Variants in AIFM3 observed in about 807,000 individuals in gnomAD.
AIFM3 encodes the protein apoptosis-inducing factor 3.
Under a neutral mutation model 82.7 loss-of-function variants are expected in AIFM3, and 71 were observed. That is an observed-to-expected ratio of 0.86 (90% CI 0.71 to 1.05). The LOEUF is 1.05. AIFM3 is among the 50% of genes least tolerant of loss of function. The probability of loss-of-function intolerance (pLI) is 0.00; values close to 1 mark genes in which losing one functional copy is unlikely to be tolerated. For missense variants in AIFM3, 748 were observed against 816.7 expected (o/e 0.92, Z 1.03); for synonymous variants, 337 against 329.1 (o/e 1.02, Z -0.26).
chr22:20,979,204 T>C, intron 16 of AIFM3, 67 bp from the exon 17 acceptor site: 1 of 1,510,204 alleles, frequency 6.6e-7, no homozygotes, highest in Non-Finnish European at 9.0e-7. Flanking sequence ...CCCCAGGGCA[T>C]CAGGAGCAGG....
At chr22:20,967,556 CCGCGGGGCTGGA>C (rs1453870794) in intron 1 of AIFM3, among the ~76,000 whole-genome samples, 1 of 152,024 alleles carries the variant, frequency 6.6e-6, no homozygotes, top group Non-Finnish European at 1.5e-5. Context: ...GGCAAGGCAG[CCGCGGGGCTGGA>C]CGATGGGCGG....
intron 1 of AIFM3, among the ~76,000 whole-genome samples, chr22:20,967,505 G>C (rs368555070): frequency 2.0e-5 from 3 of 152,132 alleles, no homozygotes; most frequent in South Asian, 2.1e-4. Flanking sequence ...AGAGGGGAAG[G>C]GGGGCACGAG....
In AIFM3 at chr22:20,981,088, C is replaced by A; in HGVS notation, c.*57C>A. On this transcript the variant is annotated 3_prime_UTR_variant, in exon 21 of 21. Coordinates refer to ENST00000440238, the MANE Select transcript of AIFM3 (RefSeq NM_001386814.1). ...GGGGCACCAAGGGCACAGGCCAAGCCTTGGGGGCAGGTGCCAATCTCCAGT... is the reference window on the plus strand; with the variant it reads ...GGGGCACCAAGGGCACAGGCCAAGCATTGGGGGCAGGTGCCAATCTCCAGT... The A allele has an allele frequency of 6.2e-7, 1 of 1,609,154 alleles. No individual in the cohort carries two copies. Among genetic ancestry groups the A allele is most frequent in the Non-Finnish European group, 8.5e-7 (1 of 1,177,112 alleles).
At chr22:20,968,014 T>C in intron 2 of AIFM3, 39 bp downstream of exon 2, 1 of 1,580,528 alleles carries the variant, frequency 6.3e-7, no homozygotes, top group Non-Finnish European at 8.6e-7. Flanking sequence ...TTCTCCTCCC[T>C]CCCCGCCTCC....
rs776262361 is a variant in AIFM3, at chr22:20,977,893, G to A, written c.1365G>A (p.Met455Ile). 1 of 1,614,200 alleles carries A rather than the reference G, an allele frequency of 6.2e-7. No individual in the cohort carries two copies. The highest frequency in any genetic ancestry group is 8.5e-7 in the Non-Finnish European group (1 of 1,180,030). ...TCTGGGCCCTCTCTCTACAGATGAT[G>A]CAGACCAATGTCCCAGGCGTGTTTG... ...SRGFIPVNKM[M>I]QTNVPGVFAA... The change falls in exon 16 of 21, where the codon ATG (methionine) becomes ATA (isoleucine). Residue 455 changes from methionine to isoleucine, a missense_variant. Physicochemically the swap from Met to Ile is conservative, Grantham distance 10. This residue lies in a region of AIFM3 where 393 missense variants were observed against 481.1 expected (regional missense o/e 0.82). Coordinates refer to ENST00000440238, the MANE Select transcript of AIFM3 (RefSeq NM_001386814.1).
At position 20,967,883 on chromosome 22, in the gene AIFM3, C is replaced by G. The variant is rs1383786306; in HGVS notation, c.-62C>G. The G allele has an allele frequency of 1.9e-6, 3 of 1,602,954 alleles. No individual in the cohort carries two copies. The highest frequency in any genetic ancestry group is 2.7e-5 in the African/African-American group (2 of 74,674). On this transcript the variant is annotated 5_prime_UTR_variant, in exon 2 of 21. Coordinates refer to ENST00000440238, the MANE Select transcript of AIFM3 (RefSeq NM_001386814.1). ...GGGGTCCAGCCCCATGGGGGGCGCC[C>G]TAGGCCTCCGACAGCTCCCCATCTG...
In AIFM3 at chr22:20,977,764, C is replaced by T; in HGVS notation, c.1347C>T (p.Ile449=). The change falls in exon 15 of 21, where the codon ATC becomes ATT. Residue 449 remains isoleucine, a synonymous_variant. Coordinates refer to ENST00000440238, the MANE Select transcript of AIFM3 (RefSeq NM_001386814.1). ...SGIGLDSRGF[I]PVNKMMQTNV... ...TCGGTTTGGATTCCCGAGGCTTCAT[C>T]CCTGTCAACAAGGTGGGGTGGATGG... 2 of 1,614,188 alleles carry T rather than the reference C, an allele frequency of 1.2e-6. 1 individual carries two copies. Among genetic ancestry groups the T allele is most frequent in the Middle Eastern group, 3.3e-4 (2 of 6,062 alleles).
Position 20,973,430 on chromosome 22 carries a change from A to G in AIFM3, c.155A>G (p.Glu52Gly). 1 of 1,613,176 alleles carries G rather than the reference A, an allele frequency of 6.2e-7. No homozygotes were observed. Among genetic ancestry groups the G allele is most frequent in the Non-Finnish European group, 8.5e-7 (1 of 1,179,984 alleles). Residue 52 changes from glutamate (E) to glycine (G), a missense_variant, in exon 3 of 21, where the codon GAG (glutamate) becomes GGG (glycine). By Grantham distance (98) the Glu-to-Gly change is moderately conservative. Around this residue, in one of 5 missense-constraint regions of AIFM3, gnomAD observed 148 missense variants for 134.1 expected, o/e 1.10. Coordinates refer to ENST00000440238, the MANE Select transcript of AIFM3 (RefSeq NM_001386814.1). ...GGCACGGCCCGCCACTTCCACACGG[A>G]GGAGCGCCTGTCCACCCCTCACCCC... Reference protein sequence around the residue: ...GNGTARHFHTEERLSTPHPYP... With the variant: ...GNGTARHFHTGERLSTPHPYP...
chr22:20,977,149 C>T, intron 14 of AIFM3, 54 bp downstream of exon 14: 1 of 1,603,022 alleles, frequency 6.2e-7, no homozygotes, highest in South Asian at 1.1e-5. Context: ...TCTGCACATG[C>T]TCACATGTGA....
Position 20,974,304 on chromosome 22 carries a change from G to C in AIFM3, c.510+8G>C. The C allele has an allele frequency of 6.2e-7, 1 of 1,613,202 alleles. No homozygotes were observed. The highest frequency in any genetic ancestry group is 8.5e-7 in the Non-Finnish European group (1 of 1,179,826). On this transcript the variant is annotated splice_region_variant and intron_variant, in intron 6 of 20. Transcript: ENST00000440238. The stretch of plus-strand genomic sequence containing the variant: ...GTCCGGGCCAGCAAGCAGGTGAGGG[G>C]ATAGCTCGGGGCTCAGGCAGAAGGG...
chr22:20,976,882 C>A lies in AIFM3; in HGVS notation c.1162C>A (p.Arg388=). 1 of 1,603,846 alleles carries A rather than the reference C, an allele frequency of 6.2e-7. No homozygotes were observed. The highest frequency in any genetic ancestry group is 1.1e-5 in the South Asian group (1 of 89,902). ...RALMKMFENN[R]VKFYMQTEVS... Reference sequence around the variant, plus strand: ...GCCCTGACAGATGTTTGAGAACAACCGGGTGAAGTTCTACATGCAGACGGA... The same window carrying A: ...GCCCTGACAGATGTTTGAGAACAACAGGGTGAAGTTCTACATGCAGACGGA... Residue 388 remains arginine, a synonymous_variant, in exon 13 of 21, where the codon CGG becomes AGG. Transcript: ENST00000440238.
chr22:20,972,983 A>G (rs178261), intron 2 of AIFM3, among the ~76,000 whole-genome samples: 151,653 of 151,654 alleles, frequency 1, 75,826 homozygotes, highest in Middle Eastern at 1. Flanking sequence ...GGAGGCAGAG[A>G]CTGCAGCGAG....
chr22:20,970,681 G>A (rs577385555), intron 2 of AIFM3, among the ~76,000 whole-genome samples: 23 of 152,228 alleles, frequency 1.5e-4, no homozygotes, highest in South Asian at 1.0e-3. Flanking sequence ...GGCTGGTCTC[G>A]AACTCCTGAC....
chr22:20,976,707 C>G lies in AIFM3; in HGVS notation c.1087C>G (p.Leu363Val), dbSNP rs751081103. Residue 363 changes from leucine (L) to valine (V), a missense_variant, in exon 12 of 21, where the codon CTG becomes GTG. Around this residue, in one of 5 missense-constraint regions of AIFM3, gnomAD observed 393 missense variants for 481.1 expected, o/e 0.82. Transcript: ENST00000440238. ...GGCCCACTCTGTGTCTGTGGTGGAG[C>G]TGGAGGAGACGCCCTTCAGGAGGTT... The part of the protein sequence containing the change: ...EKAHSVSVVE[L>V]EETPFRRFLG... The G allele has an allele frequency of 1.2e-6, 2 of 1,608,958 alleles. No homozygotes were observed. Among genetic ancestry groups the G allele is most frequent in the Non-Finnish European group, 1.7e-6 (2 of 1,177,668 alleles).
Position 20,980,229 on chromosome 22 carries a change from C to T in AIFM3, c.1757+105C>T, listed in dbSNP as rs951226248. Reference sequence around the variant, plus strand: ...CCCCACAACCCTCCAGGGCCTTTCCCCTCTTGGTTTGCATCGCCTGAGGCT... The same window carrying T: ...CCCCACAACCCTCCAGGGCCTTTCCTCTCTTGGTTTGCATCGCCTGAGGCT... On this transcript the variant is annotated intron_variant, in intron 19 of 20. Transcript: ENST00000440238. 7 of 1,049,710 alleles carry T rather than the reference C, an allele frequency of 6.7e-6. No individual in the cohort carries two copies. The African/African-American group carries it at 8.0e-5, about 12-fold the overall frequency. The allele number at this position is 1,049,710 out of a possible 1,614,324, so 65.0% of individuals were successfully genotyped here. A position where few individuals can be genotyped will look rare whatever the true frequency, so the allele number is the denominator to read the frequency against.
chr22:20,968,973 A>G (rs554181647), intron 2 of AIFM3, among the ~76,000 whole-genome samples: 1 of 152,078 alleles, frequency 6.6e-6, no homozygotes, highest in Non-Finnish European at 1.5e-5. Context: ...AGAGGGACCC[A>G]CTTGCCTCTG....
In AIFM3 at chr22:20,973,842, G is replaced by A. The variant is rs151248970; in HGVS notation, c.330G>A (p.Pro110=). ...GEFHALGHKC[P]HYGAPLVKGV... ...TCCACGCCCTGGGCCATAAGTGTCC[G>A]CACTACGGCGCACCCCTGGTGAAAG... The change falls in exon 4 of 21, where the codon CCG becomes CCA. Residue 110 remains proline (P), a synonymous_variant. Transcript: ENST00000440238. 25 of 1,555,844 alleles carry A rather than the reference G, an allele frequency of 1.6e-5. No homozygotes were observed. The highest frequency in any genetic ancestry group is 9.5e-5 in the African/African-American group (7 of 73,834).
rs1225147844 is a variant in AIFM3 at position 20,976,472 on chromosome 22, G to A, written c.964G>A (p.Asp322Asn). 1 of 1,614,098 alleles carries A rather than the reference G, an allele frequency of 6.2e-7. No individual in the cohort carries two copies. ...ENVFTIRTPE[D>N]ANRVVRLARG... Reference sequence around the variant, plus strand: ...CGTGTTCACTATCCGGACGCCAGAGGATGCCAATCGCGTGGTGAGGCTGGC... The same window carrying A: ...CGTGTTCACTATCCGGACGCCAGAGAATGCCAATCGCGTGGTGAGGCTGGC... The change falls in exon 11 of 21, where the codon GAT becomes AAT. Residue 322 changes from aspartate (D) to asparagine (N), a missense_variant. This residue lies in a region of AIFM3 where 393 missense variants were observed against 481.1 expected (regional missense o/e 0.82). Transcript: ENST00000440238.
Position 20,979,613 on chromosome 22 carries a change from T to A in AIFM3, c.1577-14T>A, listed in dbSNP as rs988968324. ...CCGGCTCACGTGGGTGCCACCCACC[T>A]GCCCGGCCCACAGGCTACGGAGAAG... On this transcript the variant is annotated splice_polypyrimidine_tract_variant and intron_variant, in intron 17 of 20. Coordinates refer to ENST00000440238, the MANE Select transcript of AIFM3 (RefSeq NM_001386814.1). 1 of 1,614,106 alleles carries A rather than the reference T, an allele frequency of 6.2e-7. No homozygotes were observed. Among genetic ancestry groups the A allele is most frequent in the African/African-American group, 1.3e-5 (1 of 75,068 alleles).
Sources: gnomAD v4.1 joint callset for allele counts (sites outside exome capture counted in the v4.1 genomes callset) on GRCh38, gnomAD v4.1.1 for gene constraint, gnomAD v4.1.1 regional missense constraint, MANE v1.5 for transcripts, NCBI Gene and HGNC (gene_info 2026-07-23, HGNC 2026-07-21) for gene names.